The following PPP2R1A variants were observed in gnomAD, a reference collection of about 807,000 sequenced individuals.
PPP2R1A encodes protein phosphatase 2 scaffold subunit Aalpha.
Under a neutral mutation model 67.1 loss-of-function variants are expected in PPP2R1A, and 15 were observed. The observed-to-expected ratio is 0.22, with a 90% confidence interval of 0.15 to 0.34. The LOEUF is 0.34. PPP2R1A is among the 10% of genes least tolerant of loss of function. PPP2R1A has a pLI of 1.00. For missense variants in PPP2R1A, 369 were observed against 775.0 expected, an observed-to-expected ratio of 0.48 and a Z score of 6.22; for synonymous variants, 337 against 325.0, an observed-to-expected ratio of 1.04 and a Z score of -0.40.
rs921618579 is a variant in PPP2R1A, at chr19:52,212,621, A to G, written c.504-65A>G. ...AAAACCTGGACCCACACAACTGCAG[A>G]GTCTGTGCTTGCTCCTCTCTGCCAT... On this transcript the variant is annotated intron_variant, in intron 4 of 14. Transcript: ENST00000322088. This position sits in a 1 kb window ranked among gnomAD's most constrained non-coding sequence, Gnocchi z 4.1. 6 of 1,576,078 alleles carry G rather than the reference A, an allele frequency of 3.8e-6. No individual in the cohort carries two copies. In the African/African-American group the frequency reaches 8.1e-5, roughly 21 times the overall value.
intron 1 of PPP2R1A, chr19:52,200,530 T>C (rs2089537295): frequency 6.6e-6 from 1 of 152,274 alleles, no homozygotes; most frequent in South Asian, 2.1e-4. Flanking sequence ...AGATCTATTA[T>C]GTGTGTTAGC....
At chr19:52,196,051 A>G (rs957355021) in intron 1 of PPP2R1A, among the ~76,000 whole-genome samples, 1 of 152,218 alleles carries the variant, frequency 6.6e-6, no homozygotes, top group Non-Finnish European at 1.5e-5. Flanking sequence ...CAACATTAGC[A>G]TACAAAAAGC....
At chr19:52,225,694 C>G in intron 13 of PPP2R1A, 23 bp from the exon 14 acceptor site, 18 of 1,609,438 alleles carry the variant, frequency 1.1e-5, no homozygotes, top group Non-Finnish European at 1.5e-5. Flanking sequence ...CCCTCTCTCT[C>G]CCTGTCTCCT....
chr19:52,195,387 TA>T (rs2089488991), intron 1 of PPP2R1A, among the ~76,000 whole-genome samples: 1 of 152,174 alleles, frequency 6.6e-6, no homozygotes, highest in South Asian at 2.1e-4. Flanking sequence ...CTTCCGTGAC[TA>T]AATGTGTGTT....
At position 52,211,643 on chromosome 19, in the gene PPP2R1A, C is replaced by G. The variant is rs1172863842; in HGVS notation, c.503+151C>G. 6.5e-6 allele frequency: 5 copies of G among 766,234 alleles called. No homozygotes were observed. Among genetic ancestry groups the G allele is most frequent in the Non-Finnish European group, 4.1e-6 (2 of 485,300 alleles). 47.5% of individuals were successfully genotyped at this position (766,234 alleles called of 1,614,324 possible). On this transcript the variant is annotated intron_variant, in intron 4 of 14. Coordinates refer to ENST00000322088, the MANE Select transcript of PPP2R1A (RefSeq NM_014225.6). The surrounding 1 kb of genome is among the most constrained non-coding windows in gnomAD (Gnocchi z 5.3). ...CTTACCACCTGATAGGCCACATCCT[C>G]GAGAGTTGGTCTCTGGACACGGCCA...
chr19:52,223,545 G>A (rs1197686443), intron 13 of PPP2R1A, among the ~76,000 whole-genome samples: 6 of 152,132 alleles, frequency 3.9e-5, no homozygotes, highest in Admixed American at 3.3e-4. Context: ...AGAAAGAGAT[G>A]GGGAAAAAGA....
At chr19:52,199,403 T>G (rs2089525842) in intron 1 of PPP2R1A, among the ~76,000 whole-genome samples, 1 of 151,652 alleles carries the variant, frequency 6.6e-6, no homozygotes, top group Non-Finnish European at 1.5e-5. Context: ...TCTCCTAACC[T>G]CATGATCCGC....
At chr19:52,201,867 T>A in intron 1 of PPP2R1A, 77 bp from the exon 2 acceptor site, 1 of 1,372,126 alleles carries the variant, frequency 7.3e-7, no homozygotes. Flanking sequence ...AGGGGCTGAC[T>A]GGGTTGAGAG....
intron 12 of PPP2R1A, among the ~76,000 whole-genome samples, chr19:52,221,621 G>A (rs942596653): frequency 2.0e-5 from 3 of 152,134 alleles, no homozygotes; most frequent in Non-Finnish European, 4.4e-5. Flanking sequence ...CCTGGTGAGC[G>A]TGAAGATTAA....
chr19:52,200,459 A>G (rs1452821528), intron 1 of PPP2R1A: 1 of 152,182 alleles, frequency 6.6e-6, no homozygotes, highest in Non-Finnish European at 1.5e-5. Flanking sequence ...GATATTAGCC[A>G]TGCTTTTCTT....
intron 3 of PPP2R1A, 43 bp downstream of exon 3, chr19:52,206,106 C>A: frequency 6.4e-7 from 1 of 1,559,740 alleles, no homozygotes; most frequent in South Asian, 1.1e-5. Context: ...CCCTTAGGGT[C>A]GGCCCATGGT....
At chr19:52,198,857 G>T (rs1038460352) in intron 1 of PPP2R1A, among the ~76,000 whole-genome samples, 3 of 152,210 alleles carry the variant, frequency 2.0e-5, no homozygotes, top group Admixed American at 6.5e-5. Flanking sequence ...ATACCTCAGA[G>T]CAGTTATGAG....
At chr19:52,220,157 G>A (rs565565195) in intron 10 of PPP2R1A, 32 bp from the exon 11 acceptor site, 57 of 1,608,040 alleles carry the variant, frequency 3.5e-5, no homozygotes, top group Middle Eastern at 3.3e-4. Context: ...CTCCTGGAAC[G>A]CTTACCTTGG....
At chr19:52,205,918 C>T (rs117957404) in intron 2 of PPP2R1A, 45 bp from the exon 3 acceptor site, 20,600 of 1,520,456 alleles carry the variant, frequency 0.014, 233 homozygotes, top group Middle Eastern at 0.037. Context: ...GGGCTGGGGT[C>T]AGAGTTGAGA....
chr19:52,206,844 A>G (rs3786487), intron 3 of PPP2R1A, among the ~76,000 whole-genome samples: 72,878 of 151,974 alleles, frequency 0.48, 18,328 homozygotes, highest in African/African-American at 0.64. Context: ...GTGCTGGGCC[A>G]CTGCTGCTGC....
chr19:52,208,710 G>T (rs2089633849), intron 3 of PPP2R1A, among the ~76,000 whole-genome samples: 1 of 151,906 alleles, frequency 6.6e-6, no homozygotes, highest in South Asian at 2.1e-4. Flanking sequence ...ATGTTGGCCA[G>T]GCTGGTCTAG....
At chr19:52,200,286 TTAA>T (rs1372281118) in intron 1 of PPP2R1A, 3 of 152,202 alleles carry the variant, frequency 2.0e-5, no homozygotes, top group African/African-American at 7.2e-5. Context: ...CTGGGAGCTA[TTAA>T]TAATAGGAGA....
At chr19:52,218,528 A>G (rs771234751) in intron 9 of PPP2R1A, among the ~76,000 whole-genome samples, 2 of 152,166 alleles carry the variant, frequency 1.3e-5, no homozygotes, top group African/African-American at 4.8e-5. Context: ...CTGAATCTTC[A>G]TTAGTGTTCA....
chr19:52,195,928 C>T (rs557457108), intron 1 of PPP2R1A, among the ~76,000 whole-genome samples: 2 of 152,286 alleles, frequency 1.3e-5, no homozygotes, highest in South Asian at 2.1e-4. Context: ...AGCCCCTCTC[C>T]GATCCCTGGA....
Sources: gnomAD v4.1 joint callset for allele counts (sites outside exome capture counted in the v4.1 genomes callset) on GRCh38, gnomAD v4.1.1 for gene constraint, Gnocchi (gnomAD v3.1) non-coding constraint, MANE v1.5 for transcripts, NCBI Gene and HGNC (gene_info 2026-07-23, HGNC 2026-07-21) for gene names.